TMC1: variants seen among roughly 807,000 people sequenced by gnomAD.
The protein encoded by TMC1 is transmembrane channel like 1, also known as transmembrane channel-like protein 1.
A neutral mutation model predicts 105.8 loss-of-function variants in TMC1; 84 were observed. The observed-to-expected ratio is 0.79, with a 90% CI of 0.67 to 0.95. The LOEUF (loss-of-function observed/expected upper bound fraction) is 0.95, where lower values mean the gene tolerates loss of function less well. Among genes scored for constraint, TMC1 ranks in the 40% least tolerant of loss-of-function variants. The probability of loss-of-function intolerance (pLI) is 0.00; values close to 1 mark genes in which losing one functional copy is unlikely to be tolerated. For synonymous variants in TMC1, 315 were observed against 311.5 expected (o/e 1.01, Z -0.12); for missense variants, 817 against 914.1 (o/e 0.89, Z 1.37).
intron 2 of TMC1, among the ~76,000 whole-genome samples, chr9:72,606,483 C>G (rs898842027): frequency 6.6e-6 from 1 of 152,082 alleles, no homozygotes; most frequent in African/African-American, 2.4e-5. Flanking sequence ...CATTGGTGGT[C>G]ATCTTTGAGG....
chr9:72,769,551 C>T (rs925877569), intron 12 of TMC1, among the ~76,000 whole-genome samples: 2 of 152,106 alleles, frequency 1.3e-5, no homozygotes, highest in East Asian at 1.9e-4. Flanking sequence ...CACTTTTCCC[C>T]GAGGCTAGAG....
At chr9:72,709,545 G>A (rs930562590) in intron 8 of TMC1, among the ~76,000 whole-genome samples, 1 of 152,056 alleles carries the variant, frequency 6.6e-6, no homozygotes, top group Non-Finnish European at 1.5e-5. Flanking sequence ...TCTGTTCAGG[G>A]TTTCTAATTC....
intron 5 of TMC1, among the ~76,000 whole-genome samples, chr9:72,656,580 A>T (rs990955514): frequency 6.6e-6 from 1 of 152,164 alleles, no homozygotes; most frequent in South Asian, 2.1e-4. Context: ...CATCTATGAA[A>T]TTACTATATC....
Position 72,820,994 on chromosome 9 carries a change from T to A in TMC1, c.1916T>A (p.Met639Lys). 6.2e-7 allele frequency: 1 copy of A among 1,614,174 alleles called. No individual in the cohort carries two copies. The highest frequency in any genetic ancestry group is 2.2e-5 in the East Asian group (1 of 44,876). The change falls in exon 20 of 24, where the codon ATG becomes AAG. Residue 639 changes from methionine to lysine, a missense_variant. By Grantham distance (95) the Met-to-Lys change is moderately conservative (BLOSUM62 -1). Coordinates refer to ENST00000297784, the MANE Select transcript of TMC1 (RefSeq NM_138691.3). ...AGATCAAATAACTTCTACCTGGGCA[T>A]GCTACTGCTCATCCTCTTCCTGTCC... ...ASRSNNFYLG[M>K]LLLILFLSTM...
At chr9:72,632,456 A>G (rs1825466543) in intron 4 of TMC1, among the ~76,000 whole-genome samples, 1 of 152,198 alleles carries the variant, frequency 6.6e-6, no homozygotes, top group Non-Finnish European at 1.5e-5. Flanking sequence ...CAGAACACAC[A>G]TGGGAAACAA....
At chr9:72,654,203 A>G (rs1422632879) in intron 5 of TMC1, among the ~76,000 whole-genome samples, 2 of 152,222 alleles carry the variant, frequency 1.3e-5, no homozygotes, top group Admixed American at 1.3e-4. Flanking sequence ...AAGTGGCTAC[A>G]TATAATTTTG....
At chr9:72,828,927 G>A (rs958223899) in intron 21 of TMC1, among the ~76,000 whole-genome samples, 7 of 152,272 alleles carry the variant, frequency 4.6e-5, no homozygotes, top group South Asian at 2.1e-4. Flanking sequence ...AATAATAACC[G>A]TTTAAAAGAC....
intron 1 of TMC1, among the ~76,000 whole-genome samples, chr9:72,538,426 T>TGTATTGTATC (rs1385344592): frequency 6.8e-6 from 1 of 146,010 alleles, no homozygotes. Flanking sequence ...TGTATTGTAT[T>TGTATTGTATC]GTATTGTATT....
chr9:72,597,547 C>A (rs1183243736), intron 2 of TMC1, among the ~76,000 whole-genome samples: 4 of 152,122 alleles, frequency 2.6e-5, no homozygotes, highest in African/African-American at 9.7e-5. Flanking sequence ...GCAACATTTC[C>A]CACCCTTCTT....
intron 13 of TMC1, among the ~76,000 whole-genome samples, chr9:72,774,885 G>A (rs57521833): frequency 0.091 from 13,790 of 152,008 alleles, 792 homozygotes; most frequent in Non-Finnish European, 0.14. Flanking sequence ...AAGTTTGAGC[G>A]GATTTATGAC....
chr9:72,542,197 G>A (rs1823690591), intron 1 of TMC1, among the ~76,000 whole-genome samples: 2 of 151,970 alleles, frequency 1.3e-5, no homozygotes, highest in Admixed American at 6.6e-5. Context: ...GCGGTGGCTC[G>A]TGCCTGTAAT....
chr9:72,787,705 T>A (rs1361679288), intron 13 of TMC1, among the ~76,000 whole-genome samples: 3 of 151,732 alleles, frequency 2.0e-5, no homozygotes, highest in African/African-American at 4.8e-5. Context: ...TGATTAAAAA[T>A]ATATATAAAA....
chr9:72,639,816 TTTAATTTTCTG>T (rs1470560729), intron 4 of TMC1, among the ~76,000 whole-genome samples: 13 of 152,214 alleles, frequency 8.5e-5, no homozygotes, highest in African/African-American at 3.1e-4. Context: ...TCAAATGTAA[TTTAATTTTCTG>T]TTACTTACAT....
At chr9:72,694,465 A>T in intron 6 of TMC1, 78 bp from the exon 7 acceptor site, 1 of 1,306,220 alleles carries the variant, frequency 7.7e-7, no homozygotes, top group Non-Finnish European at 1.1e-6. Context: ...AATAATAGTT[A>T]TTAAAAACTA....
intron 5 of TMC1, among the ~76,000 whole-genome samples, chr9:72,671,392 C>G (rs986109213): frequency 7.9e-5 from 12 of 152,192 alleles, no homozygotes; most frequent in Non-Finnish European, 1.8e-4. Context: ...GCAGTTTTCT[C>G]AAATTCATAC....
chr9:72,722,402 C>A (rs950108314), intron 8 of TMC1, among the ~76,000 whole-genome samples: 5 of 152,142 alleles, frequency 3.3e-5, no homozygotes, highest in African/African-American at 9.7e-5. Context: ...TTTTTGGCAT[C>A]CTATGCTTCT....
At chr9:72,629,277 C>T (rs1003504477) in intron 4 of TMC1, among the ~76,000 whole-genome samples, 1 of 152,142 alleles carries the variant, frequency 6.6e-6, no homozygotes, top group Non-Finnish European at 1.5e-5. Flanking sequence ...AGCTGCCCCT[C>T]AAAGTCATGG....
At chr9:72,806,545 G>GAT (rs1828593900) in intron 18 of TMC1, among the ~76,000 whole-genome samples, 1 of 149,078 alleles carries the variant, frequency 6.7e-6, no homozygotes, top group African/African-American at 2.5e-5. Flanking sequence ...CTTCTCAGAC[G>GAT]GGGCAGTTGC....
intron 8 of TMC1, among the ~76,000 whole-genome samples, chr9:72,719,689 G>T (rs1826986123): frequency 6.6e-6 from 1 of 152,118 alleles, no homozygotes; most frequent in Admixed American, 6.5e-5. Flanking sequence ...TCCAAGTGGG[G>T]GCTGCAATTT....
Sources: gnomAD v4.1 joint callset for allele counts (sites outside exome capture counted in the v4.1 genomes callset) on GRCh38, gnomAD v4.1.1 for gene constraint, MANE v1.5 for transcripts, NCBI Gene and HGNC (gene_info 2026-07-23, HGNC 2026-07-21) for gene names.